MARK3: variants seen among roughly 807,000 people sequenced by gnomAD.
The protein encoded by MARK3 is MAP/microtubule affinity-regulating kinase 3.
In MARK3, 46 loss-of-function variants were observed where a neutral mutation model predicts 90.1. The ratio of observed to expected loss-of-function variants is 0.51; its 90% confidence interval spans 0.40 to 0.65. The LOEUF (loss-of-function observed/expected upper bound fraction) is 0.65. Ranked by LOEUF, MARK3 falls within the 30% of genes least tolerant of loss-of-function variation. The pLI is 0.00. For missense variants in MARK3, 818 were observed against 947.2 expected (o/e 0.86, Z 1.79); for synonymous variants, 321 against 332.6 (o/e 0.97, Z 0.38).
chr14:103,458,256 C>T (rs989578751), intron 6 of MARK3, among the ~76,000 whole-genome samples: 3 of 151,896 alleles, frequency 2.0e-5, no homozygotes, highest in South Asian at 2.1e-4. Context: ...GTCAGGAGTT[C>T]GAGACCAGCC....
chr14:103,468,314 C>CTTTTTT lies in MARK3; in HGVS notation c.1264+151_1264+156dup, dbSNP rs759932678. 50 of 116,152 alleles carry CTTTTTT rather than the reference C, an allele frequency of 4.3e-4. 1 individual carries two copies. Among genetic ancestry groups the CTTTTTT allele is most frequent in the African/African-American group, 2.3e-3 (41 of 17,582 alleles). 7.2% of individuals were successfully genotyped at this position (116,152 alleles called of 1,614,324 possible). On this transcript the variant is annotated intron_variant, in intron 12 of 17. Transcript: ENST00000429436. ...CTTGGCATTGCTTTCTTTCTTTCTT[C>CTTTTTT]TTTTTTTTTTTTTTTTTTTTTTTTT...
chr14:103,485,907 T>C (rs1595902220), intron 14 of MARK3, among the ~76,000 whole-genome samples: 1 of 152,112 alleles, frequency 6.6e-6, no homozygotes, highest in African/African-American at 2.4e-5. Flanking sequence ...TAAAAGATAG[T>C]CATGAATACA....
intron 7 of MARK3, among the ~76,000 whole-genome samples, chr14:103,463,099 C>T (rs1015821209): frequency 2.6e-5 from 4 of 151,786 alleles, no homozygotes; most frequent in Non-Finnish European, 5.9e-5. Context: ...CTCTCCTTCT[C>T]TACTGGCTTT....
At chr14:103,427,496 T>TAAAAAAAA (rs1566824215) in intron 2 of MARK3, among the ~76,000 whole-genome samples, 2 of 9,076 alleles carry the variant, frequency 2.2e-4, no homozygotes, top group African/African-American at 4.8e-4. Flanking sequence ...GGAGACTGTT[T>TAAAAAAAA]CAAAAAAAAA....
At chr14:103,438,913 G>A (rs1417229522) in intron 3 of MARK3, among the ~76,000 whole-genome samples, 1 of 151,656 alleles carries the variant, frequency 6.6e-6, no homozygotes, top group Non-Finnish European at 1.5e-5. Context: ...GCTTGAGCCC[G>A]GGAGGTCGAG....
intron 2 of MARK3, among the ~76,000 whole-genome samples, chr14:103,427,497 C>CAAAAAAAAAAAAAAAAAAAAA (rs71126021): frequency 9.0e-5 from 10 of 110,816 alleles, no homozygotes; most frequent in East Asian, 2.9e-4. Flanking sequence ...GAGACTGTTT[C>CAAAAAAAAAAAAAAAAAAAAA]AAAAAAAAAA....
rs181804827 is a variant in MARK3 at position 103,491,850 on chromosome 14, C to T, written c.1660C>T (p.Arg554Cys). 122 of 1,614,164 alleles carry T rather than the reference C, an allele frequency of 7.6e-5. No homozygotes were observed. Among genetic ancestry groups the T allele is most frequent in the East Asian group, 5.8e-4 (26 of 44,886 alleles). Residue 554 changes from arginine (R) to cysteine (C), a missense_variant, in exon 15 of 18, where the codon CGC becomes TGC. Physicochemically the swap from Arg to Cys is radical, Grantham distance 180. Around this residue, in one of 3 missense-constraint regions of MARK3, gnomAD observed 560 missense variants for 613.5 expected, o/e 0.91. Transcript: ENST00000429436. ...ISSAATPDRI[R>C]FPRGTASRST... ...TAGTGCAGCCACCCCAGATCGAATC[C>T]GCTTCCCAAGAGGCACTGCCAGTCG...
chr14:103,465,627 C>G lies in MARK3; in HGVS notation c.611C>G (p.Thr204Ser). The G allele has an allele frequency of 6.2e-7, 1 of 1,614,128 alleles. No individual in the cohort carries two copies. The highest frequency in any genetic ancestry group is 1.1e-5 in the South Asian group (1 of 91,078). ...IADFGFSNEF[T>S]VGGKLDTFCG... ...GATTTCGGTTTTAGCAATGAATTTA[C>G]TGTTGGCGGTAAACTCGACACGTTT... Residue 204 changes from threonine (T) to serine (S), a missense_variant, in exon 8 of 18, where the codon ACT (threonine) becomes AGT (serine). Thr to Ser is a moderately conservative substitution (Grantham distance 58, BLOSUM62 1). Around this residue, in one of 3 missense-constraint regions of MARK3, gnomAD observed 101 missense variants for 175.1 expected, o/e 0.58. Transcript: ENST00000429436.
intron 1 of MARK3, among the ~76,000 whole-genome samples, chr14:103,391,087 C>G (rs1194181042): frequency 1.3e-5 from 2 of 152,292 alleles, no homozygotes; most frequent in East Asian, 3.9e-4. Context: ...TTCTCAGCCA[C>G]AGGGTGATTT....
intron 14 of MARK3, among the ~76,000 whole-genome samples, chr14:103,485,252 CTT>C (rs36010258): frequency 6.0e-5 from 5 of 83,586 alleles, no homozygotes; most frequent in Admixed American, 2.9e-4. Context: ...AAAAAGGCTG[CTT>C]TTTTTTTTTT....
intron 3 of MARK3, among the ~76,000 whole-genome samples, chr14:103,439,388 G>T (rs6575990): frequency 0.97 from 147,265 of 152,226 alleles, 71,384 homozygotes; most frequent in East Asian, 1. Flanking sequence ...GGTTTTTTTT[G>T]GTCTGTTTTT....
In MARK3 at chr14:103,503,805, T is replaced by G. The variant is rs1430543024; in HGVS notation, c.*578T>G. On this transcript the variant is annotated 3_prime_UTR_variant, in exon 18 of 18. Transcript: ENST00000429436. ...TTTTCTAAGTAGATTCACAAGATAA[T>G]TAAAAATTCACTTTTTCTCAGTAAA... The G allele has an allele frequency of 6.5e-6, 1 of 153,024 alleles. No homozygotes were observed. The highest frequency in any genetic ancestry group is 1.5e-5 in the Non-Finnish European group (1 of 68,382). 9.5% of individuals were successfully genotyped at this position (153,024 alleles called of 1,614,324 possible).
chr14:103,420,220 C>G (rs1220134748), intron 2 of MARK3, among the ~76,000 whole-genome samples: 38 of 151,988 alleles, frequency 2.5e-4, no homozygotes, highest in Admixed American at 2.5e-3. Context: ...CGGAATTCCA[C>G]AGTTTTGAAC....
At chr14:103,419,853 G>T (rs2092130975) in intron 2 of MARK3, among the ~76,000 whole-genome samples, 1 of 152,126 alleles carries the variant, frequency 6.6e-6, no homozygotes, top group South Asian at 2.1e-4. Context: ...CTACCAGGTT[G>T]TCTGAGGGGA....
At chr14:103,468,806 T>C (rs975969618) in intron 12 of MARK3, among the ~76,000 whole-genome samples, 1 of 150,780 alleles carries the variant, frequency 6.6e-6, no homozygotes, top group South Asian at 2.1e-4. Flanking sequence ...TTTTTTTTTT[T>C]AAATGGAGAT....
intron 3 of MARK3, among the ~76,000 whole-genome samples, chr14:103,430,232 A>G (rs755675968): frequency 6.6e-6 from 1 of 152,224 alleles, no homozygotes; most frequent in Non-Finnish European, 1.5e-5. Flanking sequence ...AAATAACTTG[A>G]TAAGTATAAT....
intron 5 of MARK3, among the ~76,000 whole-genome samples, chr14:103,456,838 T>C (rs1013510460): frequency 1.3e-5 from 2 of 152,236 alleles, no homozygotes; most frequent in African/African-American, 4.8e-5. Context: ...CTTCATCCAT[T>C]TTAATTTTCT....
At chr14:103,449,405 G>A (rs1340670327) in intron 4 of MARK3, among the ~76,000 whole-genome samples, 5 of 110,918 alleles carry the variant, frequency 4.5e-5, no homozygotes, top group Admixed American at 1.1e-4. Context: ...GCGAGACCCC[G>A]TCTCTCCAAA....
intron 1 of MARK3, among the ~76,000 whole-genome samples, chr14:103,396,255 A>G (rs2090574272): frequency 1.3e-5 from 2 of 152,204 alleles, no homozygotes; most frequent in African/African-American, 4.8e-5. Context: ...TTGTACTACC[A>G]GTTCCTGAAC....
Sources: gnomAD v4.1 joint callset for allele counts (sites outside exome capture counted in the v4.1 genomes callset) on GRCh38, gnomAD v4.1.1 for gene constraint, gnomAD v4.1.1 regional missense constraint, MANE v1.5 for transcripts, NCBI Gene and HGNC (gene_info 2026-07-23, HGNC 2026-07-21) for gene names.